The following ADCY3 variants were observed in gnomAD, a reference collection of about 807,000 sequenced individuals.
ADCY3 encodes the protein adenylate cyclase 3.
ADCY3 carries 70 observed loss-of-function variants against 119.4 expected under a neutral mutation model. The observed-to-expected ratio is 0.59, with a 90% CI of 0.48 to 0.72. The LOEUF is 0.72. Among genes scored for constraint, ADCY3 ranks in the 30% least tolerant of loss-of-function variants. The pLI is 0.00. For synonymous variants in ADCY3, 672 were observed against 621.4 expected (o/e 1.08, Z -1.21); for missense variants, 1,238 against 1,541.6 (o/e 0.80, Z 3.30).
chr2:24,820,398 T>C (rs756993815), intron 21 of ADCY3: 12 of 1,315,376 alleles, frequency 9.1e-6, no homozygotes, highest in Non-Finnish European at 1.2e-5. Context: ...AAACTGCCAC[T>C]GCCTGCTCTT....
At chr2:24,823,091 G>A (rs543660357) in intron 18 of ADCY3, 118 bp downstream of exon 18, 30 of 1,302,800 alleles carry the variant, frequency 2.3e-5, no homozygotes, top group Middle Eastern at 2.7e-4. Flanking sequence ...CATGTATTGC[G>A]GAAGGGGCTT....
At position 24,819,808 on chromosome 2, in the gene ADCY3, C is replaced by T; in HGVS notation, c.*124G>A. ...TCACACATCCACGAACAAATGAAGG[C>T]TGAGGAGGTTTCTAAACCTAAAGTC... On this transcript the variant is annotated 3_prime_UTR_variant, in exon 22 of 22. Coordinates refer to ENST00000679454, the MANE Select transcript of ADCY3 (RefSeq NM_004036.5). 9 of 1,026,276 alleles carry T rather than the reference C, an allele frequency of 8.8e-6. No individual in the cohort carries two copies. Among genetic ancestry groups the T allele is most frequent in the Non-Finnish European group, 1.1e-5 (8 of 708,220 alleles). The allele number at this position is 1,026,276 out of a possible 1,614,324, so 63.6% of individuals were successfully genotyped here.
chr2:24,905,037 C>G (rs534861750), intron 2 of ADCY3, among the ~76,000 whole-genome samples: 5 of 152,138 alleles, frequency 3.3e-5, no homozygotes, highest in Non-Finnish European at 7.3e-5. Context: ...CCCTGTCCAG[C>G]AAGCAAAGCC....
chr2:24,878,199 G>A lies in ADCY3; in HGVS notation c.676-5480C>T, dbSNP rs2148854338. ...CAAATGGATAAACACTTGGACTAAAGTGTCATCTAACCCATGACAGCCTGA... is the reference window on the plus strand; with the variant it reads ...CAAATGGATAAACACTTGGACTAAAATGTCATCTAACCCATGACAGCCTGA... On this transcript the variant is annotated intron_variant, in intron 2 of 21. Coordinates refer to ENST00000679454, the MANE Select transcript of ADCY3 (RefSeq NM_004036.5). The surrounding 1 kb of genome is among the most constrained non-coding windows in gnomAD (Gnocchi z 4.0). Among the ~76,000 whole-genome samples the A allele has an allele frequency of 6.6e-6, 1 of 152,274 alleles. No homozygotes were observed. Among genetic ancestry groups the A allele is most frequent in the Middle Eastern group, 3.4e-3 (1 of 294 alleles).
chr2:24,859,657 G>A (rs1168750358), intron 3 of ADCY3, among the ~76,000 whole-genome samples: 1 of 152,222 alleles, frequency 6.6e-6, no homozygotes, highest in Non-Finnish European at 1.5e-5. Context: ...CAAGCTCCGG[G>A]GCTCCCAGGA....
intron 2 of ADCY3, among the ~76,000 whole-genome samples, chr2:24,883,530 T>C (rs538508916): frequency 8.1e-4 from 123 of 152,332 alleles, no homozygotes; most frequent in African/African-American, 2.8e-3. Context: ...ATATAGATTC[T>C]GGACGATAAA....
At chr2:24,831,329 C>G (rs1352553190) in intron 12 of ADCY3, among the ~76,000 whole-genome samples, 2 of 152,198 alleles carry the variant, frequency 1.3e-5, no homozygotes. Context: ...TCGGGGCCAA[C>G]CCACCTTCCA....
intron 3 of ADCY3, among the ~76,000 whole-genome samples, chr2:24,847,117 CATG>C (rs1438178352): frequency 1.3e-5 from 2 of 152,138 alleles, no homozygotes; most frequent in East Asian, 3.9e-4. Context: ...AGAATTCTCA[CATG>C]TTGTGGGAGG....
rs745325678 is a variant in ADCY3 at position 24,824,555 on chromosome 2, C to T, written c.2578-19G>A. The T allele has an allele frequency of 1.4e-5, 22 of 1,612,872 alleles. No homozygotes were observed. Among genetic ancestry groups the T allele is most frequent in the East Asian group, 6.7e-5 (3 of 44,860 alleles). Reference sequence around the variant, plus strand: ...TTTCTACCTACAGACACAGACAAGGCGAGGCATGTGCTCTAAGCTGGCCAC... The same window carrying T: ...TTTCTACCTACAGACACAGACAAGGTGAGGCATGTGCTCTAAGCTGGCCAC... On this transcript the variant is annotated intron_variant, in intron 16 of 21. Coordinates refer to ENST00000679454, the MANE Select transcript of ADCY3 (RefSeq NM_004036.5).
At chr2:24,881,599 T>C (rs1363674425) in intron 2 of ADCY3, among the ~76,000 whole-genome samples, 1 of 152,198 alleles carries the variant, frequency 6.6e-6, no homozygotes, top group Non-Finnish European at 1.5e-5. Flanking sequence ...AGATCATGGG[T>C]GTCACTTACA....
At chr2:24,903,933 C>G (rs913211668) in intron 2 of ADCY3, among the ~76,000 whole-genome samples, 5 of 152,158 alleles carry the variant, frequency 3.3e-5, no homozygotes, top group African/African-American at 9.7e-5. Context: ...TGAAAGGAAC[C>G]GAGCTCCATG....
intron 8 of ADCY3, among the ~76,000 whole-genome samples, 194 bp downstream of exon 8, chr2:24,838,251 T>A (rs889767653): frequency 1.3e-5 from 2 of 151,914 alleles, no homozygotes; most frequent in South Asian, 2.1e-4. Flanking sequence ...CAACCTGCCA[T>A]GAATTACACT....
At position 24,825,764 on chromosome 2, in the gene ADCY3, C is replaced by A. The variant is rs1572793979; in HGVS notation, c.2577+281G>T. 5.2e-5 allele frequency: 24 copies of A among 461,852 alleles called. No homozygotes were observed. The South Asian group carries it at 6.3e-4, about 12-fold the overall frequency. The allele number at this position is 461,852 out of a possible 1,614,324, so 28.6% of individuals were successfully genotyped here. The stretch of plus-strand genomic sequence containing the variant: ...TGGCCTAGGGGATATTGATTTGATT[C>A]AAGATGTTTGTGCCTTCACTCTATC... On this transcript the variant is annotated intron_variant, in intron 16 of 21. Transcript: ENST00000679454.
Position 24,919,250 on chromosome 2 carries a change from C to T in ADCY3, c.-197-66G>A, listed in dbSNP as rs2149100079. ...TACCTTGCGGTTTCCCCATGACCCG[C>T]CCTAACCCTCATAAAAGGATCTCTG... On this transcript the variant is annotated intron_variant, in intron 1 of 21. Coordinates refer to ENST00000679454, the MANE Select transcript of ADCY3 (RefSeq NM_004036.5). The surrounding 1 kb of genome is among the most constrained non-coding windows in gnomAD (Gnocchi z 5.5). 6.4e-6 allele frequency: 3 copies of T among 467,590 alleles called. No individual in the cohort carries two copies. The East Asian group carries it at 1.2e-4, about 18-fold the overall frequency. The allele number at this position is 467,590 out of a possible 1,614,324, so 29.0% of individuals were successfully genotyped here.
chr2:24,861,590 T>G (rs940325089), intron 3 of ADCY3, among the ~76,000 whole-genome samples: 1 of 152,074 alleles, frequency 6.6e-6, no homozygotes, highest in African/African-American at 2.4e-5. Flanking sequence ...ATGAGGAGCT[T>G]TTACAGGAGG....
chr2:24,827,815 C>A, intron 14 of ADCY3, 87 bp downstream of exon 14: 1 of 1,580,780 alleles, frequency 6.3e-7, no homozygotes, highest in Non-Finnish European at 8.6e-7. Context: ...AGAAAGCCAC[C>A]TCAGCACAGG....
At chr2:24,843,538 CTGTTT>C (rs1303652873) in intron 3 of ADCY3, among the ~76,000 whole-genome samples, 11 of 152,238 alleles carry the variant, frequency 7.2e-5, no homozygotes, top group African/African-American at 2.7e-4. Context: ...TTGTCTCTGG[CTGTTT>C]TAACACTCCA....
At chr2:24,853,021 TGTGTGTGTGTGTGTGTGTGTGTGTGTGTG>T (rs1672552211) in intron 3 of ADCY3, among the ~76,000 whole-genome samples, 1 of 40,606 alleles carries the variant, frequency 2.5e-5, no homozygotes, top group African/African-American at 2.6e-4. Flanking sequence ...TGTGTGTGTG[TGTGTGTGTGTGTGTGTGTGTGTGTGTGTG>T]TGTGTGTGTG....
chr2:24,915,695 C>T (rs1664364839), intron 2 of ADCY3, among the ~76,000 whole-genome samples: 1 of 152,146 alleles, frequency 6.6e-6, no homozygotes, highest in South Asian at 2.1e-4. Context: ...CACGCCCCAT[C>T]ACACCTGGCT....
Sources: allele counts gnomAD v4.1 joint callset (sites outside exome capture counted in the v4.1 genomes callset), GRCh38; gene constraint gnomAD v4.1.1; non-coding constraint Gnocchi (gnomAD v3.1); transcripts MANE v1.5; gene names NCBI Gene and HGNC (gene_info 2026-07-23, HGNC 2026-07-21).